Variants in AVIL observed in about 807,000 individuals in gnomAD.
AVIL encodes the protein advillin.
Under a neutral mutation model 109.9 loss-of-function variants are expected in AVIL, and 78 were observed. The observed-to-expected ratio is 0.71, with a 90% CI of 0.59 to 0.86. The LOEUF is 0.86. AVIL is among the 40% of genes least tolerant of loss of function. AVIL has a pLI of 0.00. For synonymous variants in AVIL, 367 were observed against 379.1 expected (o/e 0.97, Z 0.37); for missense variants, 892 against 1,016.5 (o/e 0.88, Z 1.67).
At chr12:57,813,081 T>G in intron 4 of AVIL, 146 bp downstream of exon 4, 1 of 1,036,490 alleles carries the variant, frequency 9.6e-7, no homozygotes, top group Non-Finnish European at 1.4e-6. Context: ...CCCAGCTGTT[T>G]AATCTGCTGC....
chr12:57,809,526 C>G (rs538268054), intron 9 of AVIL, 71 bp downstream of exon 9: 3 of 1,537,386 alleles, frequency 2.0e-6, no homozygotes, highest in Admixed American at 1.7e-5. Context: ...TAGCATGGCT[C>G]TGTGGAGTGA....
At chr12:57,803,131 G>T in intron 16 of AVIL, 116 bp downstream of exon 16, 1 of 1,331,002 alleles carries the variant, frequency 7.5e-7, no homozygotes, top group Non-Finnish European at 1.0e-6. Context: ...AGGTTTGATT[G>T]AGCTGGGGAT....
intron 7 of AVIL, 95 bp from the exon 8 acceptor site, chr12:57,809,985 TC>T: frequency 1.5e-6 from 2 of 1,335,190 alleles, no homozygotes; most frequent in African/African-American, 1.4e-5. Flanking sequence ...GTTTGGAGTT[TC>T]TAGGTAGAGT....
chr12:57,801,727 C>G (rs567008594), intron 17 of AVIL, among the ~76,000 whole-genome samples: 1 of 151,440 alleles, frequency 6.6e-6, no homozygotes, highest in African/African-American at 2.4e-5. Context: ...ACAACAAGAG[C>G]GAAATTCTGT....
At chr12:57,802,530 T>C in intron 16 of AVIL, 182 bp from the exon 17 acceptor site, 2 of 785,232 alleles carry the variant, frequency 2.5e-6, no homozygotes. Context: ...TGTTTATCAT[T>C]TTAATTGCTA....
rs143252193 is a variant in AVIL at position 57,802,335 on chromosome 12, A to G, written c.1976T>C (p.Ile659Thr). 1,047 of 1,612,020 alleles carry G rather than the reference A, an allele frequency of 6.5e-4. 7 individuals carry two copies. The African/African-American group carries it at 0.012, about 19-fold the overall frequency. The change falls in exon 17 of 20, where the codon ATT becomes ACT. Residue 659 changes from isoleucine to threonine, a missense_variant. Coordinates refer to ENST00000549994, the MANE Select transcript of AVIL (RefSeq NM_006576.4). ...CTCCGTGGCATTGGCCTCAGCCCCA[A>G]TCCACAAGAACACCTGTTAAGGTGG... is the stretch of plus-strand genomic sequence containing the variant. ...LDTWDQVFLW[I>T]GAEANATEKE...
At chr12:57,804,842 G>A (rs1216116811) in intron 14 of AVIL, among the ~76,000 whole-genome samples, 2 of 151,458 alleles carry the variant, frequency 1.3e-5, no homozygotes, top group African/African-American at 2.4e-5. Context: ...TGAAACTGTC[G>A]AAATGTTTTC....
chr12:57,799,665 T>C lies in AVIL; in HGVS notation c.2346+130A>G, dbSNP rs11172344. On this transcript the variant is annotated intron_variant, in intron 19 of 19. Transcript: ENST00000549994. ...GAACCCTGGTTTTTTTTGGTTTGAG[T>C]TCCTAGGTAGCTCAGATGTCCATTG... 459,445 of 1,333,376 alleles carry C rather than the reference T, an allele frequency of 0.34. 85,676 individuals are homozygous for C. The highest frequency in any genetic ancestry group is 0.7 in the East Asian group (30,003 of 43,088). The allele number at this position is 1,333,376 out of a possible 1,614,324, so 82.6% of individuals were successfully genotyped here.
chr12:57,815,872 A>G, intron 2 of AVIL, 103 bp downstream of exon 2: 1 of 1,580,150 alleles, frequency 6.3e-7, no homozygotes, highest in Non-Finnish European at 8.6e-7. Flanking sequence ...TCCTCAAACC[A>G]TAGGCTAAGG....
intron 4 of AVIL, among the ~76,000 whole-genome samples, chr12:57,812,808 C>CGTG (rs1383932236): frequency 6.6e-6 from 1 of 152,140 alleles, no homozygotes; most frequent in Non-Finnish European, 1.5e-5. Flanking sequence ...CATAATACTC[C>CGTG]GTGGTGTGCA....
intron 14 of AVIL, 78 bp downstream of exon 14, chr12:57,806,282 T>G: frequency 6.5e-7 from 1 of 1,538,244 alleles, no homozygotes; most frequent in Non-Finnish European, 9.0e-7. Context: ...CTAGGTCCTT[T>G]GACCTTGCTG....
rs143765749 is a variant in AVIL at position 57,809,641 on chromosome 12, C to T, written c.895G>A (p.Gly299Arg). 7.8e-4 allele frequency: 1,267 copies of T among 1,614,232 alleles called. 4 individuals are homozygous for T. The highest frequency in any genetic ancestry group is 1.2e-3 in the South Asian group (107 of 91,080). ...GTKIYVWKGK[G>R]ATKAEKQAAM... ...GCCTGTTTTTCAGCCTTTGTGGCTC[C>T]TTTTCCTTTCCACACGTAGATTTTG... The change falls in exon 9 of 20, where the codon GGA becomes AGA. Residue 299 changes from glycine to arginine, a missense_variant. By Grantham distance (125) the Gly-to-Arg change is moderately radical (BLOSUM62 -2). Transcript: ENST00000549994.
intron 4 of AVIL, among the ~76,000 whole-genome samples, chr12:57,812,881 C>G (rs1956054937): frequency 6.6e-6 from 1 of 152,168 alleles, no homozygotes; most frequent in African/African-American, 2.4e-5. Flanking sequence ...ATTAATGAGG[C>G]TGCTATGAAC....
At chr12:57,812,342 T>G (rs1956048694) in intron 4 of AVIL, among the ~76,000 whole-genome samples, 1 of 146,886 alleles carries the variant, frequency 6.8e-6, no homozygotes, top group African/African-American at 2.5e-5. Context: ...CCCATCCTGT[T>G]GTTTTGTGTG....
rs771778777 is a variant in AVIL, at chr12:57,808,453, C to A, written c.1035G>T (p.Lys345Asn). The change falls in exon 10 of 20, where the codon AAG becomes AAT. Residue 345 changes from lysine (K) to asparagine (N), a missense_variant. Coordinates refer to ENST00000549994, the MANE Select transcript of AVIL (RefSeq NM_006576.4). ...ESAMFKQLFQKWSVKDQTMGL... is the reference protein window; with the variant it reads ...ESAMFKQLFQNWSVKDQTMGL... ...CCATGGTCTGGTCCTTTACTGACCA[C>A]TTCTGGAACAGCTGCTTGAACATGG... 22 of 1,614,080 alleles carry A rather than the reference C, an allele frequency of 1.4e-5. No individual in the cohort carries two copies. The highest frequency in any genetic ancestry group is 5.3e-5 in the African/African-American group (4 of 74,924).
Position 57,814,193 on chromosome 12 carries a change from G to A in AVIL, c.100C>T (p.His34Tyr). Residue 34 changes from histidine (H) to tyrosine (Y), a missense_variant, in exon 3 of 20, where the codon CAC becomes TAC. Transcript: ENST00000549994. ...CAGTCCCCCTCATAGAAGTTGCCGT[G>A]GGCGCTCACAGGCACCAGCGCCAGC... Reference protein sequence around the residue: ...MELALVPVSAHGNFYEGDCYV... With the variant: ...MELALVPVSAYGNFYEGDCYV... 1 of 1,613,030 alleles carries A rather than the reference G, an allele frequency of 6.2e-7. No individual in the cohort carries two copies. The highest frequency in any genetic ancestry group is 8.5e-7 in the Non-Finnish European group (1 of 1,179,794).
intron 17 of AVIL, 57 bp downstream of exon 17, chr12:57,802,103 T>G: frequency 3.9e-4 from 607 of 1,557,362 alleles, no homozygotes; most frequent in Non-Finnish European, 4.8e-4. Context: ...TCCTGCCCAC[T>G]GAGCTGTTCT....
chr12:57,812,788 C>T (rs1373899401), intron 4 of AVIL, among the ~76,000 whole-genome samples: 2 of 152,244 alleles, frequency 1.3e-5, no homozygotes, highest in African/African-American at 4.8e-5. Flanking sequence ...TCTGTTGCTT[C>T]TGGCTACTGC....
At position 57,798,024 on chromosome 12, in the gene AVIL, G is replaced by C. The variant is rs1366067137; in HGVS notation, c.2347-29C>G. The C allele has an allele frequency of 8.5e-6, 13 of 1,525,126 alleles. No individual in the cohort carries two copies. The African/African-American group carries it at 1.5e-4, about 18-fold the overall frequency. 94.5% of individuals were successfully genotyped at this position (1,525,126 alleles called of 1,614,324 possible). A position where few individuals can be genotyped will look rare whatever the true frequency, so the allele number is the denominator to read the frequency against. On this transcript the variant is annotated intron_variant, in intron 19 of 19. Coordinates refer to ENST00000549994, the MANE Select transcript of AVIL (RefSeq NM_006576.4). The stretch of plus-strand genomic sequence containing the variant: ...AGAGAGAAAACAAAGTTTCTAGTTA[G>C]AAGGAAGACATGACATCATTGCCAA...
Sources: gnomAD v4.1 joint callset for allele counts (sites outside exome capture counted in the v4.1 genomes callset) on GRCh38, gnomAD v4.1.1 for gene constraint, MANE v1.5 for transcripts, NCBI Gene and HGNC (gene_info 2026-07-23, HGNC 2026-07-21) for gene names.